CNTNAP2: variants seen among roughly 807,000 people sequenced by gnomAD.
The protein encoded by CNTNAP2 is contactin associated protein 2.
Under a neutral mutation model 155.2 loss-of-function variants are expected in CNTNAP2, and 98 were observed. The ratio of observed to expected loss-of-function variants is 0.63; its 90% CI spans 0.54 to 0.75. The LOEUF is 0.75. Among genes scored for constraint, CNTNAP2 ranks in the 30% least tolerant of loss-of-function variants. The pLI is 0.00. For missense variants in CNTNAP2, 1,727 were observed against 1,688.1 expected (o/e 1.02, Z -0.40); for synonymous variants, 651 against 631.2 (o/e 1.03, Z -0.47).
intron 1 of CNTNAP2, among the ~76,000 whole-genome samples, chr7:146,721,889 A>ATATATTTTTTTTTTTTTTTTT: frequency 1.4e-5 from 1 of 69,708 alleles, no homozygotes; most frequent in African/African-American, 1.9e-4. Context: ...ATATATATAT[A>ATATATTTTTTTTTTTTTTTTT]TTTTTTTTTT....
intron 3 of CNTNAP2, among the ~76,000 whole-genome samples, chr7:146,990,611 C>A (rs1342455320): frequency 6.6e-6 from 1 of 151,818 alleles, no homozygotes; most frequent in African/African-American, 2.4e-5. Context: ...ACAAAGAAAA[C>A]CTTGTTCATA....
intron 13 of CNTNAP2, among the ~76,000 whole-genome samples, chr7:147,695,843 A>G (rs776660245): frequency 2.6e-5 from 4 of 152,164 alleles, no homozygotes; most frequent in Non-Finnish European, 5.9e-5. Flanking sequence ...AAGTATATTT[A>G]CATTCTGTTG....
intron 3 of CNTNAP2, among the ~76,000 whole-genome samples, chr7:146,924,465 T>A (rs1796566041): frequency 6.6e-6 from 1 of 152,154 alleles, no homozygotes; most frequent in African/African-American, 2.4e-5. Flanking sequence ...AGATTTATAA[T>A]GTTCATAACA....
intron 13 of CNTNAP2, among the ~76,000 whole-genome samples, chr7:147,876,545 G>T (rs1255081066): frequency 6.6e-6 from 1 of 152,144 alleles, no homozygotes; most frequent in African/African-American, 2.4e-5. Context: ...GGGTAAAGTG[G>T]CTGAAGTTAG....
Position 147,232,098 on chromosome 7 carries a change from G to T in CNTNAP2, c.1349-68043G>T, listed in dbSNP as rs529034500. The stretch of plus-strand genomic sequence containing the variant: ...AATAGATAGCATTAAAAGAACAAGA[G>T]ACTTAGGAATACATTTATCCAAGAA... On this transcript the variant is annotated intron_variant, in intron 8 of 23. Transcript: ENST00000361727. 4.6e-5 allele frequency among the ~76,000 whole-genome samples: 7 copies of T among 152,168 alleles called. 1 individual carries two copies. In the South Asian group the frequency reaches 1.2e-3, roughly 27 times the overall value.
intron 15 of CNTNAP2, among the ~76,000 whole-genome samples, chr7:148,089,488 C>T (rs922594539): frequency 6.6e-6 from 1 of 151,650 alleles, no homozygotes; most frequent in Admixed American, 6.6e-5. Flanking sequence ...CAAAAATCAA[C>T]AGCATTTCTA....
intron 1 of CNTNAP2, among the ~76,000 whole-genome samples, chr7:146,657,952 A>G (rs1470025475): frequency 6.6e-6 from 1 of 152,192 alleles, no homozygotes; most frequent in Non-Finnish European, 1.5e-5. Flanking sequence ...TCCTAAAAAT[A>G]AATTTCAGCC....
intron 11 of CNTNAP2, among the ~76,000 whole-genome samples, chr7:147,547,159 A>C (rs1327854833): frequency 6.6e-6 from 1 of 152,214 alleles, no homozygotes; most frequent in Non-Finnish European, 1.5e-5. Flanking sequence ...TCATAAAGTC[A>C]TCTTCAATCT....
At chr7:148,349,605 G>A (rs541373990) in intron 21 of CNTNAP2, among the ~76,000 whole-genome samples, 10 of 151,974 alleles carry the variant, frequency 6.6e-5, no homozygotes, top group South Asian at 2.1e-4. Flanking sequence ...GTTTCACTGC[G>A]TTAGACAGGA....
intron 8 of CNTNAP2, among the ~76,000 whole-genome samples, chr7:147,238,930 G>C (rs555209793): frequency 2.0e-4 from 30 of 152,142 alleles, no homozygotes; most frequent in Non-Finnish European, 4.0e-4. Context: ...CCATTGTTAA[G>C]TCTTGCCCTA....
chr7:147,395,111 A>G lies in CNTNAP2; in HGVS notation c.1499-498A>G, dbSNP rs111957697. ...TCTCTTTGTAATGAGTTACACACTAATCTACTTTATTTCATAATAGTAAGT... is the reference window on the plus strand; with the variant it reads ...TCTCTTTGTAATGAGTTACACACTAGTCTACTTTATTTCATAATAGTAAGT... On this transcript the variant is annotated intron_variant, in intron 9 of 23. Coordinates refer to ENST00000361727, the MANE Select transcript of CNTNAP2 (RefSeq NM_014141.6). Among the ~76,000 whole-genome samples the G allele has an allele frequency of 1.8e-3, 273 of 152,150 alleles. 1 individual carries two copies. Among genetic ancestry groups the G allele is most frequent in the African/African-American group, 6.3e-3 (261 of 41,538 alleles).
chr7:146,479,261 G>A (rs1796924393), intron 1 of CNTNAP2, among the ~76,000 whole-genome samples: 2 of 152,156 alleles, frequency 1.3e-5, no homozygotes, highest in South Asian at 4.1e-4. Flanking sequence ...CATGGCAACA[G>A]ACGCCCTATA....
intron 2 of CNTNAP2, among the ~76,000 whole-genome samples, chr7:146,801,759 T>A (rs144553588): frequency 2.8e-4 from 42 of 152,278 alleles, no homozygotes; most frequent in African/African-American, 9.6e-4. Context: ...GTGGTACAGA[T>A]CAAATAAAAG....
rs570642845 is a variant in CNTNAP2, at chr7:147,408,203, GA to G, written c.1670+12430del. ...ACACACATACCCCATGGAATTGTTG[GA>G]AAAAAACACACAAACGCCAAAATCA... On this transcript the variant is annotated intron_variant, in intron 10 of 23. Coordinates refer to ENST00000361727, the MANE Select transcript of CNTNAP2 (RefSeq NM_014141.6). Among the ~76,000 whole-genome samples, 52 of 152,100 alleles carry G rather than the reference GA, an allele frequency of 3.4e-4. 1 individual carries two copies. The highest frequency in any genetic ancestry group is 1.1e-3 in the African/African-American group (46 of 41,476).
chr7:146,263,874 T>C (rs1799956657), intron 1 of CNTNAP2, among the ~76,000 whole-genome samples: 1 of 152,114 alleles, frequency 6.6e-6, no homozygotes, highest in Non-Finnish European at 1.5e-5. Flanking sequence ...ACCTGAGAGG[T>C]AATCATAATA....
intron 3 of CNTNAP2, among the ~76,000 whole-genome samples, chr7:146,862,351 A>C (rs1795118917): frequency 6.6e-6 from 1 of 152,158 alleles, no homozygotes; most frequent in Non-Finnish European, 1.5e-5. Context: ...AAACGAAAAA[A>C]GTGTAGTTTT....
chr7:148,257,579 A>G (rs1042299103), intron 20 of CNTNAP2, among the ~76,000 whole-genome samples: 3 of 152,148 alleles, frequency 2.0e-5, no homozygotes, highest in African/African-American at 7.2e-5. Context: ...GGATGGCCGC[A>G]GGGCTTGGCA....
At chr7:146,837,021 T>C (rs1241819180) in intron 2 of CNTNAP2, among the ~76,000 whole-genome samples, 1 of 152,198 alleles carries the variant, frequency 6.6e-6, no homozygotes, top group Non-Finnish European at 1.5e-5. Flanking sequence ...AGCATCGTCT[T>C]TCAGCAAATA....
intron 1 of CNTNAP2, among the ~76,000 whole-genome samples, chr7:146,342,103 T>A (rs1256653717): frequency 6.6e-6 from 1 of 152,120 alleles, no homozygotes; most frequent in African/African-American, 2.4e-5. Flanking sequence ...TTGAGTCAGA[T>A]TATGCTTGCC....
Sources: gnomAD v4.1 joint callset for allele counts (sites outside exome capture counted in the v4.1 genomes callset) on GRCh38, gnomAD v4.1.1 for gene constraint, MANE v1.5 for transcripts, NCBI Gene and HGNC (gene_info 2026-07-23, HGNC 2026-07-21) for gene names.